The following ISM2 variants were observed in gnomAD, a reference collection of about 807,000 sequenced individuals.
ISM2 encodes isthmin 2, also known as isthmin-2.
In ISM2, 50 loss-of-function variants were observed where a neutral mutation model predicts 58.0. The observed-to-expected ratio is 0.86, with a 90% confidence interval of 0.69 to 1.09. ISM2 has a LOEUF of 1.09. Ranked by LOEUF, ISM2 falls within the 50% of genes least tolerant of loss-of-function variation. The pLI, the probability that ISM2 is intolerant of heterozygous loss-of-function variation, is 0.00. For missense variants in ISM2, 723 were observed against 745.0 expected (o/e 0.97, Z 0.34); for synonymous variants, 303 against 312.4 (o/e 0.97, Z 0.32).
chr14:77,488,214 T>C (rs549275665), intron 1 of ISM2, among the ~76,000 whole-genome samples: 1 of 152,286 alleles, frequency 6.6e-6, no homozygotes, highest in East Asian at 1.9e-4. Flanking sequence ...GCCCGATAAA[T>C]CACTGCCACG....
Position 77,484,438 on chromosome 14 carries a change from G to T in ISM2, c.512C>A (p.Thr171Asn). 6.2e-7 allele frequency: 1 copy of T among 1,612,908 alleles called. No homozygotes were observed. Among genetic ancestry groups the T allele is most frequent in the Non-Finnish European group, 8.5e-7 (1 of 1,179,548 alleles). ...CCTGGGAGGCGTGGCATTCCCTGGGGTCAGGGCTGCTGGCTCAGTGACAGT... is the reference window on the plus strand; with the variant it reads ...CCTGGGAGGCGTGGCATTCCCTGGGTTCAGGGCTGCTGGCTCAGTGACAGT... ...CWTVTEPAAL[T>N]PGNATPPRTQ... The change falls in exon 3 of 7, where the codon ACC becomes AAC. Residue 171 changes from threonine (T) to asparagine (N), a missense_variant. Coordinates refer to ENST00000342219, the MANE Select transcript of ISM2 (RefSeq NM_199296.3).
intron 3 of ISM2, 74 bp from the exon 4 acceptor site, chr14:77,482,741 G>A (rs2079140757): frequency 3.2e-6 from 3 of 942,690 alleles, no homozygotes; most frequent in African/African-American, 3.3e-5. Flanking sequence ...GGGATGATGG[G>A]GTCAGGGTCA....
chr14:77,497,748 AGGGAG>A (rs1566760522), intron 1 of ISM2, among the ~76,000 whole-genome samples: 2 of 55,546 alleles, frequency 3.6e-5, no homozygotes, highest in Admixed American at 2.1e-4. Flanking sequence ...GGAGGGAGGG[AGGGAG>A]GGAGGGAGGG....
At chr14:77,493,017 A>G (rs12437361) in intron 1 of ISM2, among the ~76,000 whole-genome samples, 10,425 of 152,142 alleles carry the variant, frequency 0.069, 531 homozygotes, top group Admixed American at 0.16. Context: ...AAAAAAAGAC[A>G]GGGTCTCATT....
chr14:77,479,426 C>A (rs10431633), intron 4 of ISM2, among the ~76,000 whole-genome samples: 1 of 148,636 alleles, frequency 6.7e-6, no homozygotes, highest in Non-Finnish European at 1.5e-5. Flanking sequence ...CTCTGTCGCC[C>A]AGGCTGGAGT....
At chr14:77,494,823 C>T (rs2079228641) in intron 1 of ISM2, among the ~76,000 whole-genome samples, 1 of 152,140 alleles carries the variant, frequency 6.6e-6, no homozygotes, top group African/African-American at 2.4e-5. Flanking sequence ...ACTCATGGAA[C>T]GATGTCAGAG....
chr14:77,482,197 C>T, intron 4 of ISM2, 125 bp downstream of exon 4: 1 of 634,422 alleles, frequency 1.6e-6, no homozygotes. Context: ...GGTGTTTGAA[C>T]AAGGCCTAAG....
At chr14:77,497,848 G>C (rs892379278) in intron 1 of ISM2, among the ~76,000 whole-genome samples, 3 of 150,374 alleles carry the variant, frequency 2.0e-5, no homozygotes, top group Non-Finnish European at 4.4e-5. Context: ...GGCAAGATGG[G>C]AAGAGCTATT....
At position 77,478,340 on chromosome 14, in the gene ISM2, G is replaced by C. The variant is rs375393097; in HGVS notation, c.1115-15C>G. The C allele has an allele frequency of 4.3e-6, 7 of 1,611,128 alleles. No individual in the cohort carries two copies. The highest frequency in any genetic ancestry group is 5.9e-6 in the Non-Finnish European group (7 of 1,177,448). ...GTCCTCAGTGCCTTTGGGAGGAAAG[G>C]AGGCCAGGCTGGTGGCTCCGCAGGC... On this transcript the variant is annotated splice_polypyrimidine_tract_variant and intron_variant, in intron 5 of 6. Transcript: ENST00000342219.
At position 77,484,385 on chromosome 14, in the gene ISM2, C is replaced by T. The variant is rs1462796207; in HGVS notation, c.565G>A (p.Glu189Lys). 6.2e-7 allele frequency: 1 copy of T among 1,612,516 alleles called. No individual in the cohort carries two copies. ...ACCAATTCTGGCAGCTTCTGCAGCT[C>T]CAGCAGCAAGGGAGTAACCTCCTGG... ...RTQEVTPLLL[E>K]LQKLPELVHA... The change falls in exon 3 of 7, where the codon GAG becomes AAG. Residue 189 changes from glutamate to lysine, a missense_variant. Glu to Lys is a moderately conservative substitution (Grantham distance 56, BLOSUM62 1). Coordinates refer to ENST00000342219, the MANE Select transcript of ISM2 (RefSeq NM_199296.3).
intron 1 of ISM2, among the ~76,000 whole-genome samples, chr14:77,491,794 C>T (rs1352469498): frequency 6.8e-6 from 1 of 147,822 alleles, no homozygotes; most frequent in Non-Finnish European, 1.5e-5. Context: ...CTCCTGGGTT[C>T]AAGCGATTCT....
chr14:77,494,929 G>A (rs2079229456), intron 1 of ISM2, among the ~76,000 whole-genome samples: 1 of 151,938 alleles, frequency 6.6e-6, no homozygotes, highest in Non-Finnish European at 1.5e-5. Flanking sequence ...TGTCACCCAG[G>A]TTGGAGTGCA....
intron 3 of ISM2, among the ~76,000 whole-genome samples, chr14:77,483,586 T>C (rs1006385706): frequency 2.0e-5 from 3 of 151,692 alleles, no homozygotes; most frequent in Non-Finnish European, 2.9e-5. Context: ...ATATCACCTA[T>C]ATTCTATCAC....
intron 1 of ISM2, among the ~76,000 whole-genome samples, chr14:77,497,763 GAGGGAGGGAAGGAAGGA>G (rs2079254912): frequency 1.1e-5 from 1 of 91,630 alleles, no homozygotes; most frequent in Non-Finnish European, 2.2e-5. Flanking sequence ...GGGAGGGAGG[GAGGGAGGGAAGGAAGGA>G]AGGAAGGAAG....
In ISM2 at chr14:77,484,695, G is replaced by A. The variant is rs143589988; in HGVS notation, c.366C>T (p.Thr122=). The A allele has an allele frequency of 3.7e-6, 6 of 1,609,882 alleles. No homozygotes were observed. The highest frequency in any genetic ancestry group is 5.1e-6 in the Non-Finnish European group (6 of 1,179,044). Residue 122 remains threonine (T), a synonymous_variant, in exon 2 of 7, where the codon ACC becomes ACT. Coordinates refer to ENST00000342219, the MANE Select transcript of ISM2 (RefSeq NM_199296.3). ...LPGLANTTLS[T]PNPDTQASAS... ...CTCTCACCTGGGTATCAGGGTTAGG[G>A]GTACTCAAGGTTGTGTTGGCCAATC...
chr14:77,498,564 C>G, intron 1 of ISM2, 89 bp downstream of exon 1: 1 of 1,388,854 alleles, frequency 7.2e-7, no homozygotes, highest in Non-Finnish European at 9.4e-7. Context: ...TGTGTGTGTC[C>G]CGGTCCCGCT....
chr14:77,476,926 T>C (rs1359151422), intron 6 of ISM2, among the ~76,000 whole-genome samples: 2 of 152,138 alleles, frequency 1.3e-5, no homozygotes, highest in Non-Finnish European at 2.9e-5. Context: ...TAATCCCAGC[T>C]ACTCGGGAGG....
At chr14:77,479,111 G>C (rs1248511681) in intron 4 of ISM2, among the ~76,000 whole-genome samples, 1 of 152,202 alleles carries the variant, frequency 6.6e-6, no homozygotes, top group Non-Finnish European at 1.5e-5. Context: ...CTGTTGCCCA[G>C]GCTGGAGTGC....
chr14:77,487,635 G>A (rs1594951982), intron 1 of ISM2, among the ~76,000 whole-genome samples: 3 of 152,266 alleles, frequency 2.0e-5, no homozygotes, highest in South Asian at 2.1e-4. Flanking sequence ...CAGCCCTTGC[G>A]GAACTCCTGG....
Sources: allele counts gnomAD v4.1 joint callset (sites outside exome capture counted in the v4.1 genomes callset), GRCh38; gene constraint gnomAD v4.1.1; transcripts MANE v1.5; gene names NCBI Gene and HGNC (gene_info 2026-07-23, HGNC 2026-07-21).